Variants in TXNRD1 observed in about 807,000 individuals in gnomAD.
The protein encoded by TXNRD1 is thioredoxin reductase 1, cytoplasmic.
A neutral mutation model predicts 80.3 loss-of-function variants in TXNRD1; 57 were observed. The observed-to-expected ratio is 0.71, with a 90% CI of 0.57 to 0.89. The LOEUF is 0.89. Ranked by LOEUF, TXNRD1 falls within the 40% of genes least tolerant of loss-of-function variation. The pLI is 0.00. For missense variants in TXNRD1, 730 were observed against 803.0 expected (o/e 0.91, Z 1.10); for synonymous variants, 291 against 285.2 (o/e 1.02, Z -0.20).
intron 4 of TXNRD1, among the ~76,000 whole-genome samples, chr12:104,307,211 GAATC>G (rs1248973405): frequency 1.3e-5 from 2 of 152,152 alleles, no homozygotes; most frequent in Non-Finnish European, 2.9e-5. Context: ...TAGAGGTTAA[GAATC>G]AAACTGCAAA....
At position 104,217,985 on chromosome 12, in the gene TXNRD1, TAC is replaced by T. The variant is rs772244779; in HGVS notation, c.91+2108_91+2109del. Reference sequence around the variant, plus strand: ...ATATGTACATACACACACACATATATACACACACACACACACAAAATGGAATA... The same window carrying T: ...ATATGTACATACACACACACATATATACACACACACACACAAAATGGAATA... On this transcript the variant is annotated intron_variant, in intron 1 of 16. Coordinates refer to ENST00000525566, the MANE Select transcript of TXNRD1 (RefSeq NM_001093771.3). Among the ~76,000 whole-genome samples, 45 of 151,046 alleles carry T rather than the reference TAC, an allele frequency of 3.0e-4. No individual in the cohort carries two copies. The South Asian group carries it at 3.2e-3, about 11-fold the overall frequency.
chr12:104,278,794 C>A (rs1229035721), intron 3 of TXNRD1, among the ~76,000 whole-genome samples: 1 of 152,232 alleles, frequency 6.6e-6, no homozygotes, highest in African/African-American at 2.4e-5. Flanking sequence ...AGCCACCGCA[C>A]CCAGCCTCTG....
intron 2 of TXNRD1, among the ~76,000 whole-genome samples, chr12:104,254,429 A>G (rs181786318): frequency 6.6e-6 from 1 of 151,774 alleles, no homozygotes; most frequent in African/African-American, 2.4e-5. Context: ...CAGTGGGTAA[A>G]TAGCTACCAT....
At chr12:104,321,488 C>G (rs1020898444) in intron 10 of TXNRD1, among the ~76,000 whole-genome samples, 172 bp downstream of exon 10, 1 of 152,146 alleles carries the variant, frequency 6.6e-6, no homozygotes, top group South Asian at 2.1e-4. Context: ...ATCTAAACAC[C>G]TATATAGCTT....
chr12:104,235,900 A>G (rs1382101148), intron 1 of TXNRD1, among the ~76,000 whole-genome samples: 1 of 152,114 alleles, frequency 6.6e-6, no homozygotes, highest in Non-Finnish European at 1.5e-5. Flanking sequence ...TTCTTGTGCT[A>G]AGTCAGTTCC....
intron 2 of TXNRD1, 48 bp from the exon 3 acceptor site, chr12:104,257,971 T>C (rs376334178): frequency 4.3e-6 from 6 of 1,406,838 alleles, no homozygotes; most frequent in Non-Finnish European, 4.9e-6. Flanking sequence ...CTCTTGTTGG[T>C]TATAACCTCA....
chr12:104,257,387 A>T (rs1035355945), intron 2 of TXNRD1, among the ~76,000 whole-genome samples: 1 of 147,884 alleles, frequency 6.8e-6, no homozygotes, highest in Non-Finnish European at 1.5e-5. Context: ...CTTTGGAAAC[A>T]TTAAGTGTTC....
intron 16 of TXNRD1, among the ~76,000 whole-genome samples, chr12:104,343,855 G>A (rs1490319126): frequency 6.6e-6 from 1 of 151,094 alleles, no homozygotes; most frequent in Non-Finnish European, 1.5e-5. Flanking sequence ...TGTAATCCCA[G>A]CACTTTAGGA....
chr12:104,221,282 T>C lies in TXNRD1; in HGVS notation c.91+5389T>C, dbSNP rs186839868. ...TGTCTCAGAAAAACAGCAACAAATCTACCTGTTGGGTTTTTCGTTTGTTTG... is the reference window on the plus strand; with the variant it reads ...TGTCTCAGAAAAACAGCAACAAATCCACCTGTTGGGTTTTTCGTTTGTTTG... On this transcript the variant is annotated intron_variant, in intron 1 of 16. Coordinates refer to ENST00000525566, the MANE Select transcript of TXNRD1 (RefSeq NM_001093771.3). Among the ~76,000 whole-genome samples, 442 of 152,232 alleles carry C rather than the reference T, an allele frequency of 2.9e-3. 3 individuals carry two copies. The highest frequency in any genetic ancestry group is 0.01 in the African/African-American group (427 of 41,564).
chr12:104,267,245 T>C lies in TXNRD1; in HGVS notation c.304+9166T>C, dbSNP rs147820502. On this transcript the variant is annotated intron_variant, in intron 3 of 16. Transcript: ENST00000525566. Reference sequence around the variant, plus strand: ...TATAGCTCTTTATTTTCTTTTCTCTTTCTTTCTTTCTTTCTTTCTTTCTTT... The same window carrying C: ...TATAGCTCTTTATTTTCTTTTCTCTCTCTTTCTTTCTTTCTTTCTTTCTTT... Among the ~76,000 whole-genome samples the C allele has an allele frequency of 7.4e-5, 9 of 121,108 alleles. 1 individual carries two copies. The highest frequency in any genetic ancestry group is 2.4e-4 in the African/African-American group (7 of 29,272). 79.5% of individuals were successfully genotyped at this position (121,108 alleles called of 152,430 possible).
At chr12:104,267,721 C>CTCTCTCTCTCTCTTTCTTTCTTTT (rs1158350636) in intron 3 of TXNRD1, among the ~76,000 whole-genome samples, 12 of 84,760 alleles carry the variant, frequency 1.4e-4, no homozygotes, top group Non-Finnish European at 2.9e-4. Flanking sequence ...TTCTTTCTTT[C>CTCTCTCTCTCTCTTTCTTTCTTTT]TCTTTCTTTC....
chr12:104,228,696 A>G (rs2135680780), intron 1 of TXNRD1, among the ~76,000 whole-genome samples: 1 of 152,206 alleles, frequency 6.6e-6, no homozygotes, highest in Admixed American at 6.5e-5. Context: ...TGCAACCTTC[A>G]CCACTATTGA....
At chr12:104,330,821 C>T (rs1036414153) in intron 13 of TXNRD1, among the ~76,000 whole-genome samples, 1 of 152,098 alleles carries the variant, frequency 6.6e-6, no homozygotes, top group East Asian at 1.9e-4. Flanking sequence ...CTCCTGACCT[C>T]AGGTGATCCA....
rs188735497 is a variant in TXNRD1, at chr12:104,334,998, G to A, written c.1746+666G>A. On this transcript the variant is annotated intron_variant, in intron 15 of 16. Coordinates refer to ENST00000525566, the MANE Select transcript of TXNRD1 (RefSeq NM_001093771.3). ...ATGCACGTTTGATCCTCAGCAGCTG[G>A]CACTACTAAGAAAGAGCTCTTAATT... 2.0e-5 allele frequency among the ~76,000 whole-genome samples: 3 copies of A among 152,228 alleles called. No individual in the cohort carries two copies. In the East Asian group the frequency reaches 5.8e-4, roughly 29 times the overall value.
chr12:104,334,391 G>A, intron 15 of TXNRD1, 59 bp downstream of exon 15: 1 of 978,720 alleles, frequency 1.0e-6, no homozygotes, highest in Non-Finnish European at 1.4e-6. Flanking sequence ...TTTTGTTGTT[G>A]TTTTTTTTTT....
intron 9 of TXNRD1, among the ~76,000 whole-genome samples, chr12:104,320,841 A>G (rs1034557745): frequency 8.5e-5 from 13 of 152,196 alleles, no homozygotes; most frequent in African/African-American, 2.9e-4. Flanking sequence ...TAACTGACTA[A>G]TATCAGAAGT....
chr12:104,260,937 T>C (rs894782567), intron 3 of TXNRD1, among the ~76,000 whole-genome samples: 5 of 152,204 alleles, frequency 3.3e-5, no homozygotes, highest in Non-Finnish European at 7.3e-5. Context: ...TTGGGGAGCA[T>C]GATTTGTAAG....
intron 16 of TXNRD1, among the ~76,000 whole-genome samples, chr12:104,344,333 C>A (rs1189188644): frequency 6.6e-6 from 1 of 151,102 alleles, no homozygotes; most frequent in East Asian, 1.9e-4. Flanking sequence ...GAGAGAGATA[C>A]ATATTGTGAA....
At chr12:104,273,360 G>A (rs1326034381) in intron 3 of TXNRD1, among the ~76,000 whole-genome samples, 2 of 152,154 alleles carry the variant, frequency 1.3e-5, no homozygotes, top group Non-Finnish European at 2.9e-5. Flanking sequence ...AATGGGAGGC[G>A]GAGGTGGGTG....
Sources: allele counts gnomAD v4.1 joint callset (sites outside exome capture counted in the v4.1 genomes callset), GRCh38; gene constraint gnomAD v4.1.1; transcripts MANE v1.5; gene names NCBI Gene and HGNC (gene_info 2026-07-23, HGNC 2026-07-21).